The following CTNNA3 variants were observed in gnomAD, a reference collection of about 807,000 sequenced individuals.
CTNNA3 encodes the protein catenin alpha 3.
CTNNA3 carries 76 observed loss-of-function variants against 95.7 expected under a neutral mutation model. The observed-to-expected ratio is 0.79, with a 90% confidence interval of 0.66 to 0.96. The LOEUF (loss-of-function observed/expected upper bound fraction) is 0.96. CTNNA3 is among the 40% of genes least tolerant of loss of function. CTNNA3 has a pLI of 0.00. For synonymous variants in CTNNA3, 431 were observed against 374.4 expected (o/e 1.15, Z -1.74); for missense variants, 1,191 against 1,089.8 (o/e 1.09, Z -1.31).
chr10:67,569,650 A>G (rs1349655030), intron 3 of CTNNA3, among the ~76,000 whole-genome samples: 1 of 152,160 alleles, frequency 6.6e-6, no homozygotes, highest in African/African-American at 2.4e-5. Flanking sequence ...AGAGTGACCT[A>G]AAGTTTATGT....
intron 9 of CTNNA3, among the ~76,000 whole-genome samples, chr10:66,724,890 G>T (rs1848734086): frequency 6.6e-6 from 1 of 152,074 alleles, no homozygotes; most frequent in Non-Finnish European, 1.5e-5. Flanking sequence ...GTATTGTAAA[G>T]GGATTTGAAG....
chr10:66,929,270 C>T (rs1847239342), intron 7 of CTNNA3, among the ~76,000 whole-genome samples: 1 of 152,232 alleles, frequency 6.6e-6, no homozygotes, highest in South Asian at 2.1e-4. Context: ...AGCCAGATTT[C>T]TCCACCACAC....
chr10:67,030,471 T>C (rs1412875010), intron 7 of CTNNA3, among the ~76,000 whole-genome samples: 1 of 152,130 alleles, frequency 6.6e-6, no homozygotes, highest in Non-Finnish European at 1.5e-5. Context: ...ATTATGTGTA[T>C]ATAATATATT....
chr10:67,559,786 G>A (rs1841419684), intron 3 of CTNNA3, among the ~76,000 whole-genome samples: 1 of 152,154 alleles, frequency 6.6e-6, no homozygotes. Flanking sequence ...ACAGAGAAGT[G>A]CTTAAAGGAG....
chr10:67,233,932 G>C (rs541405460), intron 5 of CTNNA3, among the ~76,000 whole-genome samples: 1 of 152,098 alleles, frequency 6.6e-6, no homozygotes, highest in Non-Finnish European at 1.5e-5. Flanking sequence ...TAAATTCCTC[G>C]ACACATACAC....
intron 5 of CTNNA3, among the ~76,000 whole-genome samples, chr10:67,501,599 T>C (rs10997675): frequency 0.14 from 21,945 of 152,012 alleles, 2,340 homozygotes; most frequent in East Asian, 0.34. Context: ...TTCAGATATA[T>C]CAGTCAAACG....
At chr10:67,738,929 A>T (rs1210470518) in intron 1 of CTNNA3, among the ~76,000 whole-genome samples, 2 of 152,356 alleles carry the variant, frequency 1.3e-5, no homozygotes, top group African/African-American at 4.8e-5. Context: ...CCTCCAAGAA[A>T]TATGGGACTA....
At chr10:67,529,648 T>C (rs1435743087) in intron 4 of CTNNA3, among the ~76,000 whole-genome samples, 1 of 150,088 alleles carries the variant, frequency 6.7e-6, no homozygotes, top group Non-Finnish European at 1.5e-5. Context: ...ATAATAATAA[T>C]ACAATAAATA....
At chr10:66,601,884 C>A (rs999824328) in intron 10 of CTNNA3, among the ~76,000 whole-genome samples, 9 of 151,808 alleles carry the variant, frequency 5.9e-5, no homozygotes, top group Non-Finnish European at 5.9e-5. Context: ...AGTGAACTGC[C>A]AGTCCTAAAC....
intron 9 of CTNNA3, among the ~76,000 whole-genome samples, chr10:66,734,654 G>A (rs1294976611): frequency 6.6e-6 from 1 of 152,070 alleles, no homozygotes; most frequent in African/African-American, 2.4e-5. Context: ...ACAAGGTCAG[G>A]AGTTCGAGAC....
At chr10:67,339,430 G>T (rs1348077737) in intron 5 of CTNNA3, among the ~76,000 whole-genome samples, 1 of 151,916 alleles carries the variant, frequency 6.6e-6, no homozygotes, top group Non-Finnish European at 1.5e-5. Flanking sequence ...GCAAAATTAG[G>T]ATATACACGA....
chr10:66,849,602 TA>T (rs1469545290), intron 7 of CTNNA3, among the ~76,000 whole-genome samples: 2 of 152,092 alleles, frequency 1.3e-5, no homozygotes, highest in African/African-American at 4.8e-5. Flanking sequence ...AGTTTACTCA[TA>T]AGCAGAGGAG....
intron 7 of CTNNA3, chr10:66,926,329 G>T: frequency 1.7e-6 from 1 of 585,548 alleles, no homozygotes. Context: ...TAATATCCAT[G>T]AAGATCCTAT....
intron 7 of CTNNA3, among the ~76,000 whole-genome samples, chr10:67,067,300 C>CCTTAA (rs1856154444): frequency 1.3e-5 from 2 of 151,512 alleles, no homozygotes; most frequent in Admixed American, 1.3e-4. Context: ...TCAGTAACCA[C>CCTTAA]TTTAATACTG....
chr10:66,390,620 A>C (rs564954028), intron 11 of CTNNA3, among the ~76,000 whole-genome samples: 7 of 152,086 alleles, frequency 4.6e-5, no homozygotes, highest in African/African-American at 1.7e-4. Flanking sequence ...CAACTACATA[A>C]ATGTTCAACA....
intron 10 of CTNNA3, among the ~76,000 whole-genome samples, chr10:66,582,616 G>T (rs565508011): frequency 7.9e-5 from 12 of 151,662 alleles, no homozygotes; most frequent in Non-Finnish European, 1.6e-4. Flanking sequence ...TTTACAAATC[G>T]AATGCCCTTT....
chr10:66,456,806 A>G (rs565200061), intron 11 of CTNNA3, among the ~76,000 whole-genome samples: 1 of 152,302 alleles, frequency 6.6e-6, no homozygotes, highest in South Asian at 2.1e-4. Flanking sequence ...ACTTTTTGAA[A>G]AAATCAGCCA....
chr10:65,941,394 C>T (rs998878025), intron 17 of CTNNA3, among the ~76,000 whole-genome samples: 1 of 152,174 alleles, frequency 6.6e-6, no homozygotes, highest in African/African-American at 2.4e-5. Context: ...CTACTCACTG[C>T]TGTCACTCTA....
intron 5 of CTNNA3, among the ~76,000 whole-genome samples, chr10:67,277,380 A>G (rs1839219208): frequency 6.6e-6 from 1 of 152,176 alleles, no homozygotes; most frequent in African/African-American, 2.4e-5. Context: ...AAAGAAACCT[A>G]AAGTTGGATA....
Sources: allele counts gnomAD v4.1 joint callset (sites outside exome capture counted in the v4.1 genomes callset), GRCh38; gene constraint gnomAD v4.1.1; transcripts MANE v1.5; gene names NCBI Gene and HGNC (gene_info 2026-07-23, HGNC 2026-07-21).